Variants in AIDA observed in about 807,000 individuals in gnomAD.
The protein encoded by AIDA is axin interactor, dorsalization-associated protein.
A neutral mutation model predicts 42.7 loss-of-function variants in AIDA; 18 were observed. The ratio of observed to expected loss-of-function variants is 0.42; its 90% CI spans 0.29 to 0.63. AIDA has a LOEUF of 0.63. Ranked by LOEUF, AIDA falls within the 20% of genes least tolerant of loss-of-function variation. The probability of loss-of-function intolerance (pLI) is 0.19; values close to 1 mark genes in which losing one functional copy is unlikely to be tolerated. For synonymous variants in AIDA, 104 were observed against 122.9 expected, an observed-to-expected ratio of 0.85 and a Z score of 1.02; for missense variants, 250 against 354.1, an observed-to-expected ratio of 0.71 and a Z score of 2.36.
At chr1:222,709,214 C>G (rs145042558) in intron 1 of AIDA, among the ~76,000 whole-genome samples, 1 of 152,052 alleles carries the variant, frequency 6.6e-6, no homozygotes, top group Non-Finnish European at 1.5e-5. Flanking sequence ...GGGTGGATCA[C>G]GAGGTCAAGA....
chr1:222,706,518 C>T (rs1489011768), intron 1 of AIDA, among the ~76,000 whole-genome samples: 1 of 151,818 alleles, frequency 6.6e-6, no homozygotes, highest in African/African-American at 2.4e-5. Flanking sequence ...ATGACACATG[C>T]TACAACATAG....
intron 6 of AIDA, among the ~76,000 whole-genome samples, chr1:222,681,757 A>G (rs73124862): frequency 0.033 from 5,059 of 152,294 alleles, 125 homozygotes; most frequent in East Asian, 0.13. Context: ...AGCCACTGCC[A>G]CCATGGGGAG....
chr1:222,689,699 T>TA (rs1245121637), intron 4 of AIDA, among the ~76,000 whole-genome samples: 3 of 151,082 alleles, frequency 2.0e-5, no homozygotes, highest in Non-Finnish European at 3.0e-5. Flanking sequence ...TTTAAAAAGT[T>TA]AAAGTTAATA....
chr1:222,693,740 G>A, intron 4 of AIDA, 49 bp downstream of exon 4: 1 of 1,409,270 alleles, frequency 7.1e-7, no homozygotes, highest in Non-Finnish European at 1.0e-6. Context: ...ATCTACAATA[G>A]ATTATTTTTC....
At chr1:222,687,718 C>T in intron 4 of AIDA, 60 bp from the exon 5 acceptor site, 1 of 1,208,880 alleles carries the variant, frequency 8.3e-7, no homozygotes, top group Non-Finnish European at 1.1e-6. Context: ...AAAATTATAT[C>T]TTAAATGATT....
intron 1 of AIDA, among the ~76,000 whole-genome samples, chr1:222,704,773 A>T (rs1470157477): frequency 2.6e-5 from 4 of 152,212 alleles, no homozygotes; most frequent in African/African-American, 7.2e-5. Flanking sequence ...ATGGAATTGT[A>T]CGCTTTAAAC....
chr1:222,679,530 G>A (rs1664615961), intron 6 of AIDA, among the ~76,000 whole-genome samples: 1 of 152,218 alleles, frequency 6.6e-6, no homozygotes, highest in Non-Finnish European at 1.5e-5. Flanking sequence ...GCCAGGCACT[G>A]TTCTAATCCT....
chr1:222,695,051 A>G (rs1287173983), intron 2 of AIDA, among the ~76,000 whole-genome samples: 2 of 152,230 alleles, frequency 1.3e-5, no homozygotes, highest in Non-Finnish European at 2.9e-5. Flanking sequence ...AGCAGGCAGA[A>G]AAGTAAAGTT....
At chr1:222,687,248 G>A (rs1217995658) in intron 5 of AIDA, among the ~76,000 whole-genome samples, 3 of 151,966 alleles carry the variant, frequency 2.0e-5, no homozygotes, top group African/African-American at 7.3e-5. Context: ...TGGGCAATAC[G>A]GTGAAATCCC....
At position 222,689,163 on chromosome 1, in the gene AIDA, C is replaced by T. The variant is rs374665235; in HGVS notation, c.290-1505G>A. Among the ~76,000 whole-genome samples, 18 of 151,858 alleles carry T rather than the reference C, an allele frequency of 1.2e-4. No individual in the cohort carries two copies. In the East Asian group the frequency reaches 2.9e-3, roughly 25 times the overall value. ...AAAGAAAAAATATTATTGTGGCTGGCGCATTGGTTCACACCTGTAATCCCA... is the reference window on the plus strand; with the variant it reads ...AAAGAAAAAATATTATTGTGGCTGGTGCATTGGTTCACACCTGTAATCCCA... On this transcript the variant is annotated intron_variant, in intron 4 of 9. Transcript: ENST00000340020.
In AIDA at chr1:222,693,795, C is replaced by T; in HGVS notation, c.283G>A (p.Glu95Lys). The T allele has an allele frequency of 1.2e-6, 2 of 1,609,010 alleles. No individual in the cohort carries two copies. Among genetic ancestry groups the T allele is most frequent in the Non-Finnish European group, 1.7e-6 (2 of 1,176,514 alleles). ...AATATAAACTTAAACTTACTTGGTT[C>T]TAGCTTCTTCAGGTCCTCCAGTTTA... is the stretch of plus-strand genomic sequence containing the variant. ...EFKLEDLKKL[E>K]PILKNILTYN... is the part of the protein sequence containing the mutation. Residue 95 changes from glutamate to lysine, a missense_variant, in exon 4 of 10, where the codon GAA (glutamate) becomes AAA (lysine). Physicochemically the swap from Glu to Lys is moderately conservative, Grantham distance 56. Coordinates refer to ENST00000340020, the MANE Select transcript of AIDA (RefSeq NM_022831.4).
chr1:222,674,864 G>A (rs563849175), intron 7 of AIDA, among the ~76,000 whole-genome samples: 1 of 152,266 alleles, frequency 6.6e-6, no homozygotes, highest in South Asian at 2.1e-4. Flanking sequence ...ACATGTTTTA[G>A]TTCAACATGT....
At chr1:222,709,514 G>A (rs898223666) in intron 1 of AIDA, among the ~76,000 whole-genome samples, 1 of 152,190 alleles carries the variant, frequency 6.6e-6, no homozygotes, top group Non-Finnish European at 1.5e-5. Context: ...AATGAAGCAG[G>A]ATGGGGAGCA....
intron 7 of AIDA, among the ~76,000 whole-genome samples, chr1:222,673,671 G>A (rs1381437816): frequency 1.1e-4 from 16 of 151,978 alleles, no homozygotes; most frequent in African/African-American, 3.6e-4. Flanking sequence ...CCAGCTACTC[G>A]GGAGGCTCAG....
chr1:222,694,923 C>T (rs1262882168), intron 2 of AIDA, among the ~76,000 whole-genome samples: 1 of 152,064 alleles, frequency 6.6e-6, no homozygotes, highest in Non-Finnish European at 1.5e-5. Context: ...CACTATATGA[C>T]CTAAAGAAAC....
At chr1:222,671,856 T>C (rs1478245606) in intron 8 of AIDA, among the ~76,000 whole-genome samples, 1 of 152,142 alleles carries the variant, frequency 6.6e-6, no homozygotes, top group African/African-American at 2.4e-5. Context: ...GAAACCCATC[T>C]CCTCCTCATG....
At chr1:222,704,425 C>G (rs1214695318) in intron 1 of AIDA, among the ~76,000 whole-genome samples, 1 of 152,066 alleles carries the variant, frequency 6.6e-6, no homozygotes, top group Non-Finnish European at 1.5e-5. Flanking sequence ...TGTCCATCAA[C>G]TGATGGACAA....
At chr1:222,703,538 A>G (rs1261722001) in intron 1 of AIDA, among the ~76,000 whole-genome samples, 5 of 152,154 alleles carry the variant, frequency 3.3e-5, no homozygotes, top group East Asian at 1.9e-4. Flanking sequence ...TAATAAGCCA[A>G]TAAGTAGTTG....
At chr1:222,672,684 C>T (rs373402556) in intron 8 of AIDA, among the ~76,000 whole-genome samples, 11 of 152,280 alleles carry the variant, frequency 7.2e-5, no homozygotes, top group South Asian at 2.1e-4. Context: ...ATATTTCAGA[C>T]GCCGAGGCAA....
Sources: gnomAD v4.1 joint callset for allele counts (sites outside exome capture counted in the v4.1 genomes callset) on GRCh38, gnomAD v4.1.1 for gene constraint, MANE v1.5 for transcripts, NCBI Gene and HGNC (gene_info 2026-07-23, HGNC 2026-07-21) for gene names.